The following HSD17B14 variants were observed in gnomAD, a reference collection of about 807,000 sequenced individuals.
The protein encoded by HSD17B14 is hydroxysteroid 17-beta dehydrogenase 14.
In HSD17B14, 32 loss-of-function variants were observed where a neutral mutation model predicts 32.2. The ratio of observed to expected loss-of-function variants is 0.99; its 90% confidence interval spans 0.75 to 1.33. The LOEUF is 1.33. Ranked by LOEUF, HSD17B14 falls within the 40% of genes most tolerant of loss-of-function variation. The pLI is 0.00. For synonymous variants in HSD17B14, 140 were observed against 155.4 expected (o/e 0.90, Z 0.74); for missense variants, 370 against 366.5 (o/e 1.01, Z -0.08).
In HSD17B14 at chr19:48,813,550, A is replaced by T. The variant is rs1316945541; in HGVS notation, c.545T>A (p.Ile182Asn). 1 of 1,613,852 alleles carries T rather than the reference A, an allele frequency of 6.2e-7. No homozygotes were observed. Reference sequence around the variant, plus strand: ...CGGGGTCCAGATGTTTCCTGGGGAGATACTAGAGGAAGGGAGAGGGGGGAT... The same window carrying T: ...CGGGGTCCAGATGTTTCCTGGGGAGTTACTAGAGGAAGGGAGAGGGGGGAT... The part of the protein sequence containing the change: ...ESPYGVRVNC[I>N]SPGNIWTPLW... The change falls in exon 8 of 9, where the codon ATC becomes AAC. Residue 182 changes from isoleucine (I) to asparagine (N), a missense_variant and splice_region_variant. Coordinates refer to ENST00000263278, the MANE Select transcript of HSD17B14 (RefSeq NM_016246.3).
chr19:48,834,368 GA>G lies in HSD17B14; in HGVS notation c.128-11del. On this transcript the variant is annotated splice_polypyrimidine_tract_variant and intron_variant, in intron 2 of 8. Coordinates refer to ENST00000263278, the MANE Select transcript of HSD17B14 (RefSeq NM_016246.3). ...GCCCGGCCCCCAGACTCTGCAGGGA[GA>G]GAAGAGCTGGGAGCCTGGACCCCTG... 1 of 1,606,972 alleles carries G rather than the reference GA, an allele frequency of 6.2e-7. No individual in the cohort carries two copies. The highest frequency in any genetic ancestry group is 8.5e-7 in the Non-Finnish European group (1 of 1,174,914).
chr19:48,824,888 A>G (rs1308652197), intron 5 of HSD17B14, among the ~76,000 whole-genome samples: 1 of 152,176 alleles, frequency 6.6e-6, no homozygotes, highest in Non-Finnish European at 1.5e-5. Context: ...TGTCAAAATA[A>G]AAATAAAAAG....
chr19:48,820,433 G>T (rs778708039), intron 5 of HSD17B14, among the ~76,000 whole-genome samples: 3 of 151,846 alleles, frequency 2.0e-5, no homozygotes, highest in Admixed American at 6.6e-5. Flanking sequence ...TTGCACCACT[G>T]CACTCCAGCC....
At chr19:48,827,857 T>TC (rs1403955082) in intron 5 of HSD17B14, among the ~76,000 whole-genome samples, 1 of 135,786 alleles carries the variant, frequency 7.4e-6, no homozygotes, top group Non-Finnish European at 1.6e-5. Flanking sequence ...CCTTTTTTTT[T>TC]TCTTTTTTTT....
rs745483299 is a variant in HSD17B14, at chr19:48,813,127, G to C, written c.*48C>G. 4.5e-6 allele frequency: 6 copies of C among 1,339,888 alleles called. No individual in the cohort carries two copies. The Admixed American group carries it at 1.1e-4, about 24-fold the overall frequency. The allele number at this position is 1,339,888 out of a possible 1,614,324, so 83.0% of individuals were successfully genotyped here. ...CTGCATCTGATACAGGTTGGAGTTT[G>C]GGGTGGGAGAGTCCTAGGAAGGGGG... On this transcript the variant is annotated 3_prime_UTR_variant, in exon 9 of 9. Coordinates refer to ENST00000263278, the MANE Select transcript of HSD17B14 (RefSeq NM_016246.3).
At chr19:48,829,635 CTTTT>C (rs34096239) in intron 5 of HSD17B14, among the ~76,000 whole-genome samples, 4 of 76,082 alleles carry the variant, frequency 5.3e-5, no homozygotes, top group Non-Finnish European at 4.8e-5. Context: ...CCAGGCCTGG[CTTTT>C]TTTTTTTTTT....
At chr19:48,815,974 T>C (rs563661597) in intron 5 of HSD17B14, among the ~76,000 whole-genome samples, 1 of 148,314 alleles carries the variant, frequency 6.7e-6, no homozygotes, top group South Asian at 2.1e-4. Context: ...TGAGCCAAGA[T>C]TGCGCTACTG....
At chr19:48,832,817 G>C in intron 3 of HSD17B14, 85 bp from the exon 4 acceptor site, 6 of 1,163,596 alleles carry the variant, frequency 5.2e-6, no homozygotes, top group Non-Finnish European at 7.6e-6. Flanking sequence ...GCATTGGCAC[G>C]ATCTTGGCTC....
chr19:48,830,597 T>C (rs1401582671), intron 5 of HSD17B14, among the ~76,000 whole-genome samples: 1 of 152,074 alleles, frequency 6.6e-6, no homozygotes, highest in Non-Finnish European at 1.5e-5. Context: ...TCTCAGAGTG[T>C]GGCGTTTCTC....
In HSD17B14 at chr19:48,813,559, G is replaced by A. The variant is rs370704792; in HGVS notation, c.543-7C>T. On this transcript the variant is annotated splice_region_variant and splice_polypyrimidine_tract_variant and intron_variant, in intron 7 of 8. Transcript: ENST00000263278. ...GATGTTTCCTGGGGAGATACTAGAG[G>A]AAGGGAGAGGGGGGATCAAAGCAAT... 200 of 1,613,676 alleles carry A rather than the reference G, an allele frequency of 1.2e-4. No homozygotes were observed. Among genetic ancestry groups the A allele is most frequent in the Non-Finnish European group, 1.6e-4 (193 of 1,179,740 alleles).
At chr19:48,824,914 G>A (rs1176397684) in intron 5 of HSD17B14, among the ~76,000 whole-genome samples, 1 of 152,030 alleles carries the variant, frequency 6.6e-6, no homozygotes, top group Non-Finnish European at 1.5e-5. Flanking sequence ...TAATACACTG[G>A]TGGTATGGTA....
chr19:48,813,869 C>T (rs1005794481), intron 6 of HSD17B14, 139 bp from the exon 7 acceptor site: 16 of 868,924 alleles, frequency 1.8e-5, no homozygotes, highest in Non-Finnish European at 2.9e-5. Flanking sequence ...AGGCACCAGG[C>T]TTGGTTTCTT....
intron 5 of HSD17B14, among the ~76,000 whole-genome samples, chr19:48,823,250 A>C (rs563321142): frequency 6.6e-6 from 1 of 152,228 alleles, no homozygotes; most frequent in Non-Finnish European, 1.5e-5. Flanking sequence ...TCTCTACAAA[A>C]AAATAAAAGA....
chr19:48,826,148 A>G (rs1434212547), intron 5 of HSD17B14, among the ~76,000 whole-genome samples: 2 of 151,990 alleles, frequency 1.3e-5, no homozygotes, highest in African/African-American at 4.8e-5. Context: ...AAGAGAAACA[A>G]GAAATGTGGT....
chr19:48,823,792 C>T (rs966132896), intron 5 of HSD17B14, among the ~76,000 whole-genome samples: 32 of 150,952 alleles, frequency 2.1e-4, no homozygotes, highest in African/African-American at 7.5e-4. Context: ...TATGCGCCAC[C>T]CTGCCCCGCT....
intron 6 of HSD17B14, 72 bp downstream of exon 6, chr19:48,814,965 A>G (rs1446675366): frequency 1.7e-6 from 2 of 1,176,908 alleles, no homozygotes; most frequent in African/African-American, 3.0e-5. Context: ...CTGGCTCCTA[A>G]GTTGTCTGGA....
chr19:48,825,834 A>T (rs776108455), intron 5 of HSD17B14, among the ~76,000 whole-genome samples: 4 of 151,628 alleles, frequency 2.6e-5, no homozygotes, highest in Admixed American at 2.0e-4. Context: ...TTATTTATTT[A>T]TTTTGAGATG....
Position 48,813,112 on chromosome 19 carries a change from T to TA in HSD17B14, c.*62dup. The TA allele has an allele frequency of 8.8e-7, 1 of 1,136,996 alleles. No individual in the cohort carries two copies. The highest frequency in any genetic ancestry group is 1.3e-6 in the Non-Finnish European group (1 of 791,688). 70.4% of individuals were successfully genotyped at this position (1,136,996 alleles called of 1,614,324 possible). A position where few individuals can be genotyped will look rare whatever the true frequency, so the allele number is the denominator to read the frequency against. On this transcript the variant is annotated 3_prime_UTR_variant, in exon 9 of 9. Transcript: ENST00000263278. ...CTAAGGGCTTGGGGGCTGCATCTGATACAGGTTGGAGTTTGGGGTGGGAGA... is the reference window on the plus strand; with the variant it reads ...CTAAGGGCTTGGGGGCTGCATCTGATAACAGGTTGGAGTTTGGGGTGGGAGA...
Position 48,832,079 on chromosome 19 carries a change from G to GGA in HSD17B14, c.278-321_278-320insTC, listed in dbSNP as rs756605267. On this transcript the variant is annotated intron_variant, in intron 4 of 8. Coordinates refer to ENST00000263278, the MANE Select transcript of HSD17B14 (RefSeq NM_016246.3). ...GGCGACAGAGTGAGACCCCATCTCA[G>GGA]AAAAAAAAAAAAAAAAAAAGCCGGG... Among the ~76,000 whole-genome samples, 5 of 60,092 alleles carry GGA rather than the reference G, an allele frequency of 8.3e-5. No individual in the cohort carries two copies. The South Asian group carries it at 2.7e-3, about 33-fold the overall frequency. 39.4% of individuals were successfully genotyped at this position (60,092 alleles called of 152,430 possible). A position where few individuals can be genotyped will look rare whatever the true frequency, so the allele number is the denominator to read the frequency against.
Sources: gnomAD v4.1 joint callset for allele counts (sites outside exome capture counted in the v4.1 genomes callset) on GRCh38, gnomAD v4.1.1 for gene constraint, MANE v1.5 for transcripts, NCBI Gene and HGNC (gene_info 2026-07-23, HGNC 2026-07-21) for gene names.